SUGCT: variants seen among roughly 807,000 people sequenced by gnomAD.
SUGCT encodes the protein succinyl-CoA:glutarate CoA-transferase.
SUGCT carries 41 observed loss-of-function variants against 55.0 expected under a neutral mutation model. That is an observed-to-expected ratio of 0.74 (90% CI 0.58 to 0.97). The LOEUF is 0.97. Among genes scored for constraint, SUGCT ranks in the 50% least tolerant of loss-of-function variants. The pLI is 0.00. For synonymous variants in SUGCT, 187 were observed against 200.4 expected, an observed-to-expected ratio of 0.93 and a Z score of 0.56; for missense variants, 568 against 547.8, an observed-to-expected ratio of 1.04 and a Z score of -0.37.
At chr7:40,854,426 T>TTCTC (rs1563050685) in intron 13 of SUGCT, among the ~76,000 whole-genome samples, 1 of 131,000 alleles carries the variant, frequency 7.6e-6, no homozygotes, top group East Asian at 2.1e-4. Flanking sequence ...TTTCCTTTCT[T>TTCTC]TCTTTCTTTC....
chr7:40,638,007 T>C (rs1311388733), intron 12 of SUGCT, among the ~76,000 whole-genome samples: 3 of 152,228 alleles, frequency 2.0e-5, no homozygotes, highest in Non-Finnish European at 4.4e-5. Context: ...CTATAGGGTG[T>C]GTATTTGAGC....
intron 9 of SUGCT, among the ~76,000 whole-genome samples, chr7:40,386,855 G>T (rs954725667): frequency 1.3e-5 from 2 of 152,126 alleles, no homozygotes; most frequent in Non-Finnish European, 2.9e-5. Flanking sequence ...ACTTTTGGGT[G>T]CATTTACTTG....
chr7:40,168,894 C>T (rs1211886969), intron 1 of SUGCT, among the ~76,000 whole-genome samples: 3 of 152,062 alleles, frequency 2.0e-5, no homozygotes, highest in Admixed American at 6.6e-5. Flanking sequence ...TCCCGCCTTG[C>T]GGATCTTTTG....
downstream of SUGCT, among the ~76,000 whole-genome samples, chr7:40,864,512 G>C (rs186431123): frequency 1.3e-5 from 2 of 152,178 alleles, no homozygotes; most frequent in Admixed American, 6.5e-5. Context: ...GGTGGGTTTA[G>C]GGGAGCAGAA....
chr7:40,448,188 G>T (rs1788952070), intron 9 of SUGCT, among the ~76,000 whole-genome samples: 2 of 149,960 alleles, frequency 1.3e-5, no homozygotes, highest in South Asian at 4.2e-4. Flanking sequence ...GTAGCTCCAT[G>T]AGGTCACTTT....
chr7:40,954,400 C>T, the SUGCT span, among the ~76,000 whole-genome samples: 74 of 152,294 alleles, frequency 4.9e-4, no homozygotes, highest in African/African-American at 1.5e-3. Flanking sequence ...TTGCACTTCC[C>T]GGGTGAGGCG....
At chr7:40,151,220 C>CA (rs1260875683) in intron 1 of SUGCT, among the ~76,000 whole-genome samples, 1 of 152,144 alleles carries the variant, frequency 6.6e-6, no homozygotes, top group East Asian at 1.9e-4. Flanking sequence ...AGCCAGGTGA[C>CA]AGAGTGAGAC....
At chr7:40,356,360 C>T (rs965382271) in intron 9 of SUGCT, among the ~76,000 whole-genome samples, 3 of 152,156 alleles carry the variant, frequency 2.0e-5, no homozygotes, top group Non-Finnish European at 2.9e-5. Context: ...CTATTTAATG[C>T]TCAATGATAG....
intron 9 of SUGCT, among the ~76,000 whole-genome samples, chr7:40,426,113 T>A (rs1787573838): frequency 6.6e-6 from 1 of 152,114 alleles, no homozygotes; most frequent in Non-Finnish European, 1.5e-5. Flanking sequence ...TACAGGGAGA[T>A]AAGCTCTATT....
At chr7:40,356,380 A>T (rs929542010) in intron 9 of SUGCT, among the ~76,000 whole-genome samples, 3 of 152,202 alleles carry the variant, frequency 2.0e-5, no homozygotes, top group Non-Finnish European at 4.4e-5. Context: ...GTGGTTGAGG[A>T]TAGATTTTCT....
intron 12 of SUGCT, among the ~76,000 whole-genome samples, chr7:40,592,029 A>G (rs1797751558): frequency 6.6e-6 from 1 of 152,216 alleles, no homozygotes; most frequent in African/African-American, 2.4e-5. Flanking sequence ...AGGTATGCCT[A>G]TATTTCTTGG....
chr7:40,987,939 T>A, the SUGCT span, among the ~76,000 whole-genome samples: 5 of 152,022 alleles, frequency 3.3e-5, no homozygotes, highest in Non-Finnish European at 5.9e-5. Flanking sequence ...ACTGTGAAAC[T>A]TGTTCTCTTT....
At chr7:40,496,499 A>G (rs1791983656) in intron 12 of SUGCT, 113 bp downstream of exon 12, 4 of 757,728 alleles carry the variant, frequency 5.3e-6, no homozygotes, top group Admixed American at 4.2e-5. Context: ...TTTCACCATC[A>G]TATTAAAATT....
At chr7:40,758,567 A>G (rs568044236) in intron 13 of SUGCT, among the ~76,000 whole-genome samples, 8 of 152,242 alleles carry the variant, frequency 5.3e-5, no homozygotes, top group Admixed American at 4.6e-4. Flanking sequence ...CCAAACCTTC[A>G]GGATTTGGGG....
intron 7 of SUGCT, among the ~76,000 whole-genome samples, chr7:40,254,429 G>A (rs113241230): frequency 0.024 from 3,606 of 152,046 alleles, 123 homozygotes; most frequent in African/African-American, 0.081. Flanking sequence ...CAACAGTCTT[G>A]TTCTGTCGCC....
intron 12 of SUGCT, among the ~76,000 whole-genome samples, chr7:40,564,639 G>C (rs995315462): frequency 3.3e-5 from 5 of 152,066 alleles, no homozygotes; most frequent in Admixed American, 2.6e-4. Flanking sequence ...TTAATATCTT[G>C]ACAATGAAGA....
chr7:40,830,545 T>C (rs1792607077), intron 13 of SUGCT, among the ~76,000 whole-genome samples: 2 of 152,212 alleles, frequency 1.3e-5, no homozygotes, highest in South Asian at 4.1e-4. Context: ...CACTCCTCAC[T>C]GAGGTCTCTG....
At chr7:40,301,685 A>G (rs1349062297) in intron 8 of SUGCT, among the ~76,000 whole-genome samples, 1 of 152,350 alleles carries the variant, frequency 6.6e-6, no homozygotes, top group Non-Finnish European at 1.5e-5. Context: ...GCAGTGTGAC[A>G]TGGCCAGAGA....
chr7:40,828,588 A>C (rs1239761769), intron 13 of SUGCT, among the ~76,000 whole-genome samples: 5 of 151,946 alleles, frequency 3.3e-5, no homozygotes, highest in South Asian at 2.1e-4. Context: ...AAAAAAAAAA[A>C]AAAAAACTCA....
Sources: gnomAD v4.1 joint callset for allele counts (sites outside exome capture counted in the v4.1 genomes callset) on GRCh38, gnomAD v4.1.1 for gene constraint, MANE v1.5 for transcripts, NCBI Gene and HGNC (gene_info 2026-07-23, HGNC 2026-07-21) for gene names.